The following VWA2 variants were observed in gnomAD, a reference collection of about 807,000 sequenced individuals.
The protein encoded by VWA2 is von Willebrand factor A domain containing 2.
VWA2 carries 73 observed loss-of-function variants against 70.4 expected under a neutral mutation model. That is an observed-to-expected ratio of 1.04 (90% CI 0.86 to 1.26). The LOEUF is 1.26. Ranked by LOEUF, VWA2 falls within the 50% of genes most tolerant of loss-of-function variation. The pLI is 0.00. For missense variants in VWA2, 1,011 were observed against 998.5 expected, an observed-to-expected ratio of 1.01 and a Z score of -0.17; for synonymous variants, 407 against 423.3, an observed-to-expected ratio of 0.96 and a Z score of 0.47.
intron 5 of VWA2, among the ~76,000 whole-genome samples, chr10:114,263,880 A>G (rs1481255957): frequency 1.3e-5 from 2 of 152,262 alleles, no homozygotes; most frequent in East Asian, 3.8e-4. Context: ...CAAAGAAGAT[A>G]GACAAATGGC....
chr10:114,255,230 T>TC (rs1403787379), intron 4 of VWA2, among the ~76,000 whole-genome samples, 182 bp downstream of exon 4: 1 of 140,440 alleles, frequency 7.1e-6, no homozygotes, highest in Non-Finnish European at 1.6e-5. Flanking sequence ...CATCTTTTTC[T>TC]TTTTTTTTTT....
intron 4 of VWA2, among the ~76,000 whole-genome samples, chr10:114,257,823 T>C (rs1162643783): frequency 6.6e-6 from 1 of 152,222 alleles, no homozygotes; most frequent in Non-Finnish European, 1.5e-5. Flanking sequence ...CATTGAGTTC[T>C]AGGGGCTGAC....
At chr10:114,264,121 A>G (rs1044196117) in intron 5 of VWA2, among the ~76,000 whole-genome samples, 1 of 152,252 alleles carries the variant, frequency 6.6e-6, no homozygotes, top group Non-Finnish European at 1.5e-5. Context: ...TTAAACATAG[A>G]TTTAGCATAT....
Position 114,262,180 on chromosome 10 carries a change from G to A in VWA2, c.371+885G>A, listed in dbSNP as rs146469498. On this transcript the variant is annotated intron_variant, in intron 5 of 13. Transcript: ENST00000392982. ...AGGGGACAAACCTCCAAACAATATC[G>A]CCCTCTAAATATATATATAGTCATA... Among the ~76,000 whole-genome samples, 231 of 151,912 alleles carry A rather than the reference G, an allele frequency of 1.5e-3. 5 individuals are homozygous for A. The highest frequency in any genetic ancestry group is 5.4e-3 in the African/African-American group (223 of 41,428).
chr10:114,281,306 C>G (rs895152230), intron 8 of VWA2: 3 of 152,316 alleles, frequency 2.0e-5, no homozygotes, highest in Middle Eastern at 3.1e-3. Flanking sequence ...GGAACCGCTC[C>G]TGTGACAGCA....
rs1335696595 is a variant in VWA2, at chr10:114,284,617, C to T, written c.890-246C>T. Among the ~76,000 whole-genome samples, 3 of 152,334 alleles carry T rather than the reference C, an allele frequency of 2.0e-5. No homozygotes were observed. The East Asian group carries it at 5.8e-4, about 29-fold the overall frequency. Reference sequence around the variant, plus strand: ...TCCTTGTCAAGCTTCAGTCTAACACCAGTTCATCACACAGGGCCTTACCAA... The same window carrying T: ...TCCTTGTCAAGCTTCAGTCTAACACTAGTTCATCACACAGGGCCTTACCAA... On this transcript the variant is annotated intron_variant, in intron 9 of 13. Coordinates refer to ENST00000392982, the MANE Select transcript of VWA2 (RefSeq NM_001272046.2).
At chr10:114,253,342 CG>C (rs916627930) in intron 2 of VWA2, among the ~76,000 whole-genome samples, 1 of 40,758 alleles carries the variant, frequency 2.5e-5, no homozygotes, top group African/African-American at 1.1e-4. Context: ...CCCCCCTCCC[CG>C]CTTATTACAC....
intron 5 of VWA2, among the ~76,000 whole-genome samples, chr10:114,262,364 A>G (rs989233638): frequency 4.0e-5 from 6 of 151,490 alleles, no homozygotes; most frequent in Non-Finnish European, 8.8e-5. Context: ...GCATATATAC[A>G]TATGCACATA....
rs750881586 is a variant in VWA2, at chr10:114,289,068, G to C, written c.1701G>C (p.Val567=). ...CALQFEVNPD[V]TQVGLVVYGS... ...TCCAGTTTGAGGTGAACCCTGACGT[G>C]ACACAGGTCGGCCTGGTGGTGTATG... Residue 567 remains valine (V), a synonymous_variant, in exon 12 of 14, where the codon GTG becomes GTC. Transcript: ENST00000392982. 5 of 1,614,088 alleles carry C rather than the reference G, an allele frequency of 3.1e-6. No individual in the cohort carries two copies. In the East Asian group the frequency reaches 8.9e-5, roughly 29 times the overall value.
At chr10:114,272,027 G>A (rs1451124516) in intron 5 of VWA2, among the ~76,000 whole-genome samples, 6 of 152,194 alleles carry the variant, frequency 3.9e-5, no homozygotes, top group East Asian at 1.9e-4. Flanking sequence ...CTGACAGGAC[G>A]CTTACAGGAG....
Position 114,289,429 on chromosome 10 carries a change from G to A in VWA2, c.2062G>A (p.Val688Met), listed in dbSNP as rs375422735. ...AGGTCCCCGGGATTCCCTGATCCACGTGGCAGCTTACGCCGACCTGCGGTA... is the reference window on the plus strand; with the variant it reads ...AGGTCCCCGGGATTCCCTGATCCACATGGCAGCTTACGCCGACCTGCGGTA... ...LAGPRDSLIH[V>M]AAYADLRYHQ... is the part of the protein sequence containing the mutation. Residue 688 changes from valine (V) to methionine (M), a missense_variant, in exon 12 of 14, where the codon GTG becomes ATG. Transcript: ENST00000392982. 6 of 1,614,092 alleles carry A rather than the reference G, an allele frequency of 3.7e-6. No homozygotes were observed. The highest frequency in any genetic ancestry group is 2.2e-5 in the South Asian group (2 of 91,092).
Position 114,291,306 on chromosome 10 carries a change from A to C in VWA2, c.*69A>C. 6.7e-7 allele frequency: 1 copy of C among 1,493,222 alleles called. No individual in the cohort carries two copies. The highest frequency in any genetic ancestry group is 9.0e-7 in the Non-Finnish European group (1 of 1,113,816). 92.5% of individuals were successfully genotyped at this position (1,493,222 alleles called of 1,614,324 possible). ...CAGCAACTACAGAGAAGGCCTGGGC[A>C]CTGAAATGGTGCCTACCTTCTGGAA... On this transcript the variant is annotated 3_prime_UTR_variant, in exon 14 of 14. Coordinates refer to ENST00000392982, the MANE Select transcript of VWA2 (RefSeq NM_001272046.2).
At chr10:114,276,690 T>C (rs1024966564) in intron 6 of VWA2, among the ~76,000 whole-genome samples, 24 of 148,648 alleles carry the variant, frequency 1.6e-4, no homozygotes, top group African/African-American at 5.7e-4. Flanking sequence ...TTTTTTTTTT[T>C]TTTTTTTTTG....
chr10:114,270,314 T>G (rs1409901903), intron 5 of VWA2, among the ~76,000 whole-genome samples: 7 of 152,184 alleles, frequency 4.6e-5, no homozygotes, highest in Non-Finnish European at 2.9e-5. Context: ...CGGCATAACC[T>G]TAGTTTGGCC....
chr10:114,248,050 G>A (rs1054430089), intron 1 of VWA2, among the ~76,000 whole-genome samples: 5 of 151,372 alleles, frequency 3.3e-5, no homozygotes, highest in Non-Finnish European at 7.4e-5. Flanking sequence ...GGAGGTTGCA[G>A]TGAGCCAAGA....
Position 114,292,229 on chromosome 10 carries a change from A to C in VWA2, c.*992A>C, listed in dbSNP as rs2039669571. Among the ~76,000 whole-genome samples, 1 of 151,264 alleles carries C rather than the reference A, an allele frequency of 6.6e-6. No individual in the cohort carries two copies. The highest frequency in any genetic ancestry group is 1.5e-5 in the Non-Finnish European group (1 of 67,746). ...GAGGCGGAAGTTACAGTGAGCCGAG[A>C]TCTCACCACTGCACTCCAGCCTGGG... On this transcript the variant is annotated 3_prime_UTR_variant, in exon 14 of 14. Coordinates refer to ENST00000392982, the MANE Select transcript of VWA2 (RefSeq NM_001272046.2).
chr10:114,252,666 G>A (rs778320318), intron 2 of VWA2, among the ~76,000 whole-genome samples: 1 of 152,062 alleles, frequency 6.6e-6, no homozygotes, highest in Non-Finnish European at 1.5e-5. Context: ...TCTCTCCACA[G>A]CAGCCCCCAT....
chr10:114,284,712 T>G lies in VWA2; in HGVS notation c.890-151T>G, dbSNP rs1315263094. The G allele has an allele frequency of 4.2e-6, 3 of 709,940 alleles. No individual in the cohort carries two copies. In the African/African-American group the frequency reaches 5.6e-5, roughly 13 times the overall value. The allele number at this position is 709,940 out of a possible 1,614,324, so 44.0% of individuals were successfully genotyped here. A position where few individuals can be genotyped will look rare whatever the true frequency, so the allele number is the denominator to read the frequency against. On this transcript the variant is annotated intron_variant, in intron 9 of 13. Transcript: ENST00000392982. ...TTATGAACTCCACAGTGCTTTCCCC[T>G]CTCTGCTGCAGATTTCCTGGTGGAC...
At chr10:114,248,423 G>A (rs2037120835) in intron 1 of VWA2, among the ~76,000 whole-genome samples, 1 of 152,198 alleles carries the variant, frequency 6.6e-6, no homozygotes, top group South Asian at 2.1e-4. Flanking sequence ...GAGCAGGAGA[G>A]CACACCTTCC....
Sources: gnomAD v4.1 joint callset for allele counts (sites outside exome capture counted in the v4.1 genomes callset) on GRCh38, gnomAD v4.1.1 for gene constraint, MANE v1.5 for transcripts, NCBI Gene and HGNC (gene_info 2026-07-23, HGNC 2026-07-21) for gene names.